FOXP2: variants seen among roughly 807,000 people sequenced by gnomAD.
FOXP2 encodes forkhead box P2, also known as forkhead box protein P2.
Under a neutral mutation model 115.8 loss-of-function variants are expected in FOXP2, and 12 were observed. That is an observed-to-expected ratio of 0.10 (90% CI 0.07 to 0.17). The LOEUF (loss-of-function observed/expected upper bound fraction) is 0.17. FOXP2 is among the 10% of genes least tolerant of loss of function. FOXP2 has a pLI of 1.00. For missense variants in FOXP2, 629 were observed against 843.5 expected (o/e 0.75, Z 3.15); for synonymous variants, 328 against 297.7 (o/e 1.10, Z -1.05).
chr7:114,214,025 A>T (rs935186822), intron 1 of FOXP2, among the ~76,000 whole-genome samples: 2 of 152,226 alleles, frequency 1.3e-5, no homozygotes, highest in African/African-American at 4.8e-5. Flanking sequence ...TTTCTGTAGG[A>T]TACACTTATT....
chr7:114,394,629 T>G (rs1792695526), intron 2 of FOXP2, among the ~76,000 whole-genome samples: 1 of 152,102 alleles, frequency 6.6e-6, no homozygotes, highest in Admixed American at 6.6e-5. Flanking sequence ...ATGTCCCACT[T>G]GATAGAATAT....
intron 5 of FOXP2, 87 bp downstream of exon 5, chr7:114,630,092 A>T: frequency 6.3e-7 from 1 of 1,597,516 alleles, no homozygotes; most frequent in Non-Finnish European, 8.5e-7. Context: ...ATCTTCCTAT[A>T]ACAAGGCTCT....
intron 1 of FOXP2, among the ~76,000 whole-genome samples, chr7:114,212,104 TAA>T (rs1794369367): frequency 3.2e-5 from 3 of 95,064 alleles, no homozygotes; most frequent in Non-Finnish European, 5.3e-5. Context: ...TAAAATAAAA[TAA>T]AATAAAATAA....
intron 1 of FOXP2, among the ~76,000 whole-genome samples, chr7:114,186,588 G>T (rs913849594): frequency 3.9e-5 from 6 of 152,162 alleles, no homozygotes; most frequent in Non-Finnish European, 7.3e-5. Context: ...AGCCCTCAGA[G>T]GTTGGAGTCT....
chr7:114,609,129 C>G (rs867503209), intron 3 of FOXP2, among the ~76,000 whole-genome samples: 3 of 151,660 alleles, frequency 2.0e-5, no homozygotes, highest in Non-Finnish European at 4.4e-5. Context: ...AAGAGAATCG[C>G]TTGAACCCAG....
At chr7:114,559,164 C>G (rs1328617245) in intron 3 of FOXP2, among the ~76,000 whole-genome samples, 1 of 152,162 alleles carries the variant, frequency 6.6e-6, no homozygotes, top group East Asian at 1.9e-4. Flanking sequence ...TGCCCTCATG[C>G]TCTCTCAAAA....
In FOXP2 at chr7:114,148,006, T is replaced by G. The variant is rs1792422151; in HGVS notation, c.-246-14938T>G. 2.0e-5 allele frequency among the ~76,000 whole-genome samples: 3 copies of G among 152,196 alleles called. No individual in the cohort carries two copies. The South Asian group carries it at 6.2e-4, about 31-fold the overall frequency. ...AAATAAGGGGTTCAAGTGGCCACAC[T>G]GTGTTATTCTACAAGCCATTCAACT... is the stretch of plus-strand genomic sequence containing the variant. On this transcript the variant is annotated intron_variant, in intron 1 of 19. Coordinates refer to the FOXP2 transcript ENST00000635638.
rs554623004 is a variant in FOXP2, at chr7:114,224,508, A to C, written c.-102+61420A>C. Among the ~76,000 whole-genome samples the C allele has an allele frequency of 1.2e-3, 188 of 152,290 alleles. 2 individuals carry two copies. The highest frequency in any genetic ancestry group is 4.1e-3 in the South Asian group (20 of 4,826). On this transcript the variant is annotated intron_variant, in intron 1 of 17. Transcript: ENST00000634411. Reference sequence around the variant, plus strand: ...ATATGCCTTGGGTTTCTTAGCTATTATGCAAAAATAAATTACCTCCATCAA... The same window carrying C: ...ATATGCCTTGGGTTTCTTAGCTATTCTGCAAAAATAAATTACCTCCATCAA...
chr7:114,303,224 G>A (rs1292663018), intron 2 of FOXP2, among the ~76,000 whole-genome samples: 1 of 152,158 alleles, frequency 6.6e-6, no homozygotes, highest in Non-Finnish European at 1.5e-5. Context: ...CGTGGAACTT[G>A]AAATGATTTT....
chr7:114,566,415 A>C (rs1241400228), intron 3 of FOXP2, among the ~76,000 whole-genome samples: 1 of 151,996 alleles, frequency 6.6e-6, no homozygotes. Flanking sequence ...TCTTGGTGCC[A>C]TCCTTGTGAT....
intron 1 of FOXP2, among the ~76,000 whole-genome samples, chr7:114,236,149 T>A (rs537479261): frequency 6.6e-6 from 1 of 152,152 alleles, no homozygotes; most frequent in South Asian, 2.1e-4. Flanking sequence ...TAAATGCCAG[T>A]GAGAGGATAA....
intron 16 of FOXP2, among the ~76,000 whole-genome samples, chr7:114,677,772 G>C (rs1387421097): frequency 5.9e-5 from 9 of 152,216 alleles, no homozygotes; most frequent in Non-Finnish European, 1.3e-4. Flanking sequence ...GAGGGTGCCT[G>C]TAAAACGGTG....
intron 2 of FOXP2, among the ~76,000 whole-genome samples, chr7:114,493,565 G>T (rs1370094658): frequency 6.6e-6 from 1 of 152,052 alleles, no homozygotes; most frequent in East Asian, 1.9e-4. Flanking sequence ...AATGCACAGA[G>T]ATCAATATCA....
At chr7:114,133,169 T>C (rs2129145696) in intron 1 of FOXP2, among the ~76,000 whole-genome samples, 1 of 152,322 alleles carries the variant, frequency 6.6e-6, no homozygotes, top group African/African-American at 2.4e-5. Flanking sequence ...TTAAGTGTAG[T>C]ATGTGAGACA....
At chr7:114,115,238 T>C (rs936889786) in intron 1 of FOXP2, among the ~76,000 whole-genome samples, 1 of 152,170 alleles carries the variant, frequency 6.6e-6, no homozygotes, top group African/African-American at 2.4e-5. Flanking sequence ...CCTACCAGAA[T>C]GCAGGCACAT....
chr7:114,540,137 G>T (rs551909662), intron 3 of FOXP2, among the ~76,000 whole-genome samples: 4 of 152,004 alleles, frequency 2.6e-5, no homozygotes, highest in Non-Finnish European at 4.4e-5. Flanking sequence ...GCCGTAATTT[G>T]TTACTATTAC....
At chr7:114,188,752 A>G (rs1417958391) in intron 1 of FOXP2, among the ~76,000 whole-genome samples, 1 of 152,186 alleles carries the variant, frequency 6.6e-6, no homozygotes, top group East Asian at 1.9e-4. Context: ...TGCAAACTCC[A>G]TGAGGATATA....
intron 1 of FOXP2, among the ~76,000 whole-genome samples, chr7:114,106,579 A>G (rs1791122859): frequency 6.6e-6 from 1 of 152,020 alleles, no homozygotes; most frequent in South Asian, 2.1e-4. Context: ...TTGGTCAGGC[A>G]GTTATGTTAC....
chr7:114,589,780 C>G (rs1011640574), intron 3 of FOXP2, among the ~76,000 whole-genome samples: 2 of 152,186 alleles, frequency 1.3e-5, no homozygotes, highest in Admixed American at 1.3e-4. Context: ...CTTTATGTTC[C>G]CTGGGAAGTA....
Sources: allele counts gnomAD v4.1 joint callset (sites outside exome capture counted in the v4.1 genomes callset), GRCh38; gene constraint gnomAD v4.1.1; transcripts MANE v1.5; gene names NCBI Gene and HGNC (gene_info 2026-07-23, HGNC 2026-07-21).